DCC: variants seen among roughly 807,000 people sequenced by gnomAD.
DCC encodes netrin receptor DCC.
In DCC, 58 loss-of-function variants were observed where a neutral mutation model predicts 172.5. The observed-to-expected ratio is 0.34, with a 90% CI of 0.27 to 0.42. The LOEUF (loss-of-function observed/expected upper bound fraction) is 0.42. DCC is among the 10% of genes least tolerant of loss of function. DCC has a pLI of 1.00. For missense variants in DCC, 1,740 were observed against 1,791.0 expected (o/e 0.97, Z 0.51); for synonymous variants, 709 against 644.5 (o/e 1.10, Z -1.52).
At chr18:52,516,721 C>A (rs1477622770) in intron 1 of DCC, among the ~76,000 whole-genome samples, 1 of 152,136 alleles carries the variant, frequency 6.6e-6, no homozygotes, top group East Asian at 1.9e-4. Context: ...GATATAGATT[C>A]ATAGTTCAAA....
chr18:53,036,195 T>C lies in DCC; in HGVS notation c.986-27110T>C, dbSNP rs189359612. 2.4e-3 allele frequency among the ~76,000 whole-genome samples: 365 copies of C among 152,152 alleles called. 1 individual carries two copies. The highest frequency in any genetic ancestry group is 4.4e-3 in the Non-Finnish European group (301 of 67,966). ...AAGAAGATATTAAAGATTCTAAAAATCTTTTCCCAAGTAGATTAGGATGTG... is the reference window on the plus strand; with the variant it reads ...AAGAAGATATTAAAGATTCTAAAAACCTTTTCCCAAGTAGATTAGGATGTG... On this transcript the variant is annotated intron_variant, in intron 5 of 28. Transcript: ENST00000442544.
intron 8 of DCC, among the ~76,000 whole-genome samples, chr18:53,173,655 A>T (rs1166066773): frequency 6.6e-6 from 1 of 151,926 alleles, no homozygotes; most frequent in Non-Finnish European, 1.5e-5. Flanking sequence ...TGCACCCAAT[A>T]CAGGAGCACC....
chr18:53,464,222 A>G (rs1388891324), intron 24 of DCC, among the ~76,000 whole-genome samples: 1 of 152,214 alleles, frequency 6.6e-6, no homozygotes, highest in African/African-American at 2.4e-5. Context: ...ATCCTAGTCT[A>G]ATTTCACTAC....
At chr18:52,948,045 G>A (rs2040576574) in intron 5 of DCC, among the ~76,000 whole-genome samples, 1 of 152,144 alleles carries the variant, frequency 6.6e-6, no homozygotes, top group Non-Finnish European at 1.5e-5. Flanking sequence ...GTATATCTCT[G>A]TTGGCGTTCT....
chr18:53,307,336 TA>T (rs1251426987), intron 13 of DCC, among the ~76,000 whole-genome samples: 1 of 152,186 alleles, frequency 6.6e-6, no homozygotes, highest in Non-Finnish European at 1.5e-5. Flanking sequence ...GGGAAGATGG[TA>T]AAAATAATCA....
intron 1 of DCC, among the ~76,000 whole-genome samples, chr18:52,507,335 C>T (rs986805195): frequency 1.3e-5 from 2 of 152,146 alleles, no homozygotes; most frequent in Admixed American, 6.5e-5. Flanking sequence ...TATATTAACA[C>T]AGTGCTTGTA....
At chr18:53,091,840 TATCTATCTATCA>T (rs879648048) in intron 7 of DCC, among the ~76,000 whole-genome samples, 5,962 of 73,476 alleles carry the variant, frequency 0.081, 138 homozygotes, top group South Asian at 0.18. Flanking sequence ...TCTATCTATC[TATCTATCTATCA>T]ATCTATCTAT....
At chr18:53,396,932 A>G (rs150395170) in intron 17 of DCC, among the ~76,000 whole-genome samples, 81 of 152,204 alleles carry the variant, frequency 5.3e-4, no homozygotes, top group African/African-American at 1.9e-3. Context: ...TAAGTATTTA[A>G]CTTTGAAAAA....
chr18:52,671,196 A>G (rs1250038872), intron 1 of DCC, among the ~76,000 whole-genome samples: 2 of 152,172 alleles, frequency 1.3e-5, no homozygotes, highest in African/African-American at 4.8e-5. Flanking sequence ...TTCATAATCC[A>G]AGACAATGGA....
intron 27 of DCC, 94 bp downstream of exon 27, chr18:53,499,604 A>G (rs762829460): frequency 1.5e-4 from 148 of 1,012,444 alleles, no homozygotes; most frequent in Non-Finnish European, 2.2e-4. Context: ...TAGATGTCAT[A>G]TATCTTTTCA....
At chr18:53,270,241 A>T (rs1163886090) in intron 12 of DCC, among the ~76,000 whole-genome samples, 1 of 152,150 alleles carries the variant, frequency 6.6e-6, no homozygotes. Context: ...GCTACCCATA[A>T]GCTCCTGGCT....
At chr18:53,424,991 T>C (rs1012924754) in intron 21 of DCC, among the ~76,000 whole-genome samples, 2 of 152,104 alleles carry the variant, frequency 1.3e-5, no homozygotes, top group African/African-American at 4.8e-5. Flanking sequence ...GTTGCTGATA[T>C]TGATCATTTC....
chr18:53,209,254 C>A (rs2055708161), intron 11 of DCC, among the ~76,000 whole-genome samples: 1 of 152,076 alleles, frequency 6.6e-6, no homozygotes, highest in Non-Finnish European at 1.5e-5. Flanking sequence ...GCTAGATGAT[C>A]ATGAAAGGTT....
In DCC at chr18:53,235,046, G is replaced by A. The variant is rs556865047; in HGVS notation, c.1911+19449G>A. ...CAATTTCCATTCTTTTCATTCTAAT[G>A]TTAATGATGTTATTTAAAGTTATTG... is the stretch of plus-strand genomic sequence containing the variant. On this transcript the variant is annotated intron_variant, in intron 12 of 28. Coordinates refer to ENST00000442544, the MANE Select transcript of DCC (RefSeq NM_005215.4). Among the ~76,000 whole-genome samples, 79 of 152,250 alleles carry A rather than the reference G, an allele frequency of 5.2e-4. 1 individual carries two copies. Among genetic ancestry groups the A allele is most frequent in the Admixed American group, 4.6e-4 (7 of 15,284 alleles).
At chr18:52,385,638 T>C (rs1290185113) in intron 1 of DCC, among the ~76,000 whole-genome samples, 1 of 151,196 alleles carries the variant, frequency 6.6e-6, no homozygotes, top group African/African-American at 2.4e-5. Flanking sequence ...ATAGTGGTAG[T>C]AGTGTTAGTA....
intron 1 of DCC, among the ~76,000 whole-genome samples, chr18:52,688,326 TATTTTA>T (rs758973500): frequency 2.8e-4 from 42 of 152,220 alleles, no homozygotes; most frequent in Middle Eastern, 3.4e-3. Context: ...CCAATAGCAA[TATTTTA>T]ATTTTATAGA....
intron 1 of DCC, among the ~76,000 whole-genome samples, chr18:52,717,195 C>A (rs1324616619): frequency 1.3e-5 from 2 of 152,144 alleles, no homozygotes; most frequent in Non-Finnish European, 2.9e-5. Flanking sequence ...ATTCCACAAC[C>A]TTTGGTGCAG....
intron 1 of DCC, among the ~76,000 whole-genome samples, chr18:52,370,819 C>T (rs1189620149): frequency 6.6e-6 from 1 of 152,102 alleles, no homozygotes; most frequent in East Asian, 1.9e-4. Context: ...AATTGTTTAA[C>T]CATTTTAAAA....
intron 1 of DCC, among the ~76,000 whole-genome samples, chr18:52,644,813 G>A (rs9955028): frequency 0.015 from 1,484 of 100,870 alleles, 15 homozygotes; most frequent in Middle Eastern, 0.064. Flanking sequence ...GGAAGGAAGG[G>A]AGGGAGGGAG....
Sources: allele counts gnomAD v4.1 joint callset (sites outside exome capture counted in the v4.1 genomes callset), GRCh38; gene constraint gnomAD v4.1.1; transcripts MANE v1.5; gene names NCBI Gene and HGNC (gene_info 2026-07-23, HGNC 2026-07-21).